BEND2: variants seen among roughly 807,000 people sequenced by gnomAD.
BEND2 encodes BEN domain containing 2.
BEND2 carries 19 observed loss-of-function variants against 43.8 expected under a neutral mutation model. The observed-to-expected ratio is 0.43, with a 90% confidence interval of 0.30 to 0.64. The LOEUF (loss-of-function observed/expected upper bound fraction) is 0.64, where lower values mean the gene tolerates loss of function less well. BEND2 is among the 30% of genes least tolerant of loss of function. The pLI, the probability that BEND2 is intolerant of heterozygous loss-of-function variation, is 0.11. For synonymous variants in BEND2, 226 were observed against 210.1 expected (o/e 1.08, Z -0.66); for missense variants, 544 against 574.0 (o/e 0.95, Z 0.53).
intron 7 of BEND2, among the ~76,000 whole-genome samples, chrX:18,194,154 G>C (rs1354501972): frequency 1.8e-5 from 2 of 111,644 alleles, no homozygotes; most frequent in Admixed American, 1.9e-4. Context: ...GGAGAAATTG[G>C]ATCACTCATA....
chrX:18,181,149 C>T (rs1924371868), intron 8 of BEND2, among the ~76,000 whole-genome samples: 1 of 111,423 alleles, frequency 9.0e-6, no homozygotes, highest in Non-Finnish European at 1.9e-5. Context: ...TAGAAAGATG[C>T]ATGTGGAGAA....
At chrX:18,195,902 AAGGGAGGGAGGG>A (rs747362329) in intron 6 of BEND2, among the ~76,000 whole-genome samples, 1 of 84,189 alleles carries the variant, frequency 1.2e-5, no homozygotes, top group Non-Finnish European at 2.3e-5. Context: ...GAGACAGAGG[AAGGGAGGGAGGG>A]AGGGAGGGAG....
chrX:18,220,001 GC>G (rs781543009), intron 1 of BEND2, among the ~76,000 whole-genome samples: 87 of 111,039 alleles, frequency 7.8e-4, no homozygotes, highest in African/African-American at 2.8e-3. Flanking sequence ...CTCATTCCTC[GC>G]CCCCCCATAC....
chrX:18,188,785 T>A (rs1321844453), intron 8 of BEND2, among the ~76,000 whole-genome samples: 1 of 111,814 alleles, frequency 8.9e-6, no homozygotes, highest in Non-Finnish European at 1.9e-5. Flanking sequence ...GAGGTCAGTA[T>A]TACCCTGATA....
intron 13 of BEND2, among the ~76,000 whole-genome samples, chrX:18,165,516 G>A (rs755616014): frequency 9.0e-6 from 1 of 111,539 alleles, no homozygotes; most frequent in African/African-American, 3.3e-5. Context: ...GTCAACTTTT[G>A]TTACTCTCAA....
chrX:18,191,132 T>C (rs778334046), intron 7 of BEND2, 24 bp from the exon 8 acceptor site: 15 of 1,124,816 alleles, frequency 1.3e-5, no homozygotes, highest in Non-Finnish European at 1.8e-5. Flanking sequence ...CATTTCAATA[T>C]GTAAAACATT....
At chrX:18,201,411 A>C (rs1223255506) in intron 6 of BEND2, among the ~76,000 whole-genome samples, 34 of 96,903 alleles carry the variant, frequency 3.5e-4, no homozygotes, top group South Asian at 1.3e-3. Flanking sequence ...AAAAAAAAAA[A>C]AAAAAACAAA....
rs933847547 is a variant in BEND2, at chrX:18,207,660, T to C, written c.493-3745A>G. ...GGGATACTGTTCTAACTAGAAATTT[T>C]TTGAAAAATGTATCACAATGAGATG... On this transcript the variant is annotated intron_variant, in intron 4 of 13. Coordinates refer to ENST00000380033, the MANE Select transcript of BEND2 (RefSeq NM_153346.5). 6.2e-5 allele frequency among the ~76,000 whole-genome samples: 7 copies of C among 112,531 alleles called. No homozygotes were observed. The Admixed American group carries it at 6.6e-4, about 11-fold the overall frequency.
At chrX:18,186,017 A>G (rs1158277600) in intron 8 of BEND2, among the ~76,000 whole-genome samples, 1 of 112,169 alleles carries the variant, frequency 8.9e-6, no homozygotes, top group East Asian at 2.8e-4. Flanking sequence ...ATTACCAATA[A>G]CAGATCATCT....
Position 18,203,669 on chromosome X carries a change from C to T in BEND2, c.739G>A (p.Val247Ile), listed in dbSNP as rs753669312. ...GTAGTAGCATTGGCAAATGAGATGA[C>T]AGCATTGGTACTTTCAGCACCTCCA... ...ISGGAESTNA[V>I]ISFANATTAV... The change falls in exon 5 of 14, where the codon GTC (valine) becomes ATC (isoleucine). Residue 247 changes from valine (V) to isoleucine (I), a missense_variant. Coordinates refer to ENST00000380033, the MANE Select transcript of BEND2 (RefSeq NM_153346.5). 5 of 1,211,686 alleles carry T rather than the reference C, an allele frequency of 4.1e-6. No homozygotes were observed. The highest frequency in any genetic ancestry group is 1.7e-5 in the African/African-American group (1 of 57,859).
chrX:18,193,358 AGAAAAAG>A (rs1292970307), intron 7 of BEND2, among the ~76,000 whole-genome samples: 1 of 110,933 alleles, frequency 9.0e-6, no homozygotes, highest in Non-Finnish European at 1.9e-5. Flanking sequence ...AGAAAAGAAA[AGAAAAAG>A]AGTAAAATGA....
rs1222466224 is a variant in BEND2 at position 18,193,838 on chromosome X, ACTGT to A, written c.1180+1454_1180+1457del. Among the ~76,000 whole-genome samples, 9 of 111,186 alleles carry A rather than the reference ACTGT, an allele frequency of 8.1e-5. No homozygotes were observed. The East Asian group carries it at 2.5e-3, about 31-fold the overall frequency. On this transcript the variant is annotated intron_variant, in intron 7 of 13. Transcript: ENST00000380033. ...CCTTCCTGATGAAGGTGGGTAATTC[ACTGT>A]CTGAGTATTGTTTTTTACGTTAGTT...
In BEND2 at chrX:18,215,556, G is replaced by A. The variant is rs369585060; in HGVS notation, c.238+965C>T. ...TTACATTTGTAAATGATGGGGGGGA[G>A]AATATTTCATGAAATGGAAAAATTA... On this transcript the variant is annotated intron_variant, in intron 2 of 13. Transcript: ENST00000380033. Among the ~76,000 whole-genome samples the A allele has an allele frequency of 6.3e-5, 7 of 111,674 alleles. No homozygotes were observed. The East Asian group carries it at 2.0e-3, about 31-fold the overall frequency.
intron 7 of BEND2, 86 bp downstream of exon 7, chrX:18,195,208 TAA>T (rs1924897308): frequency 9.9e-7 from 1 of 1,006,309 alleles, no homozygotes; most frequent in Non-Finnish European, 1.3e-6. Context: ...GTTTAATTTG[TAA>T]AAAGCTACCA....
chrX:18,180,361 C>A, intron 9 of BEND2, 149 bp downstream of exon 9: 1 of 851,158 alleles, frequency 1.2e-6, no homozygotes, highest in East Asian at 3.3e-5. Flanking sequence ...ACGTAATATG[C>A]ACTCAATAAA....
At chrX:18,185,804 G>A (rs1364606634) in intron 8 of BEND2, among the ~76,000 whole-genome samples, 3 of 110,281 alleles carry the variant, frequency 2.7e-5, no homozygotes, top group Non-Finnish European at 5.7e-5. Flanking sequence ...TGCAGGCCAG[G>A]AGAGAGTTCC....
At position 18,180,530 on chromosome X, in the gene BEND2, A is replaced by G; in HGVS notation, c.1409T>C (p.Val470Ala). ...DSGQDSSSSSVCIPPKYGYLG... is the reference protein window; with the variant it reads ...DSGQDSSSSSACIPPKYGYLG... ...CTCACCATACTTGGGAGGGATACAG[A>G]CAGATGATGAGGAAGAATCCTGGCC... Residue 470 changes from valine (V) to alanine (A), a missense_variant, in exon 9 of 14, where the codon GTC becomes GCC. This residue lies in a region of BEND2 where 501 missense variants were observed against 501.6 expected (regional missense o/e 1.00). Transcript: ENST00000380033. 1 of 1,206,871 alleles carries G rather than the reference A, an allele frequency of 8.3e-7. No homozygotes were observed. The highest frequency in any genetic ancestry group is 1.7e-5 in the African/African-American group (1 of 57,748).
intron 8 of BEND2, among the ~76,000 whole-genome samples, chrX:18,181,770 C>T (rs1387871848): frequency 9.0e-6 from 1 of 111,253 alleles, no homozygotes; most frequent in Non-Finnish European, 1.9e-5. Flanking sequence ...TACTCAAAAA[C>T]AAACAAATCA....
intron 9 of BEND2, among the ~76,000 whole-genome samples, chrX:18,179,741 A>G (rs1312644203): frequency 1.8e-5 from 2 of 112,488 alleles, no homozygotes; most frequent in African/African-American, 6.4e-5. Flanking sequence ...GATATTAATA[A>G]GAGATAAGCT....
Sources: gnomAD v4.1 joint callset for allele counts (sites outside exome capture counted in the v4.1 genomes callset) on GRCh38, gnomAD v4.1.1 for gene constraint, gnomAD v4.1.1 regional missense constraint, MANE v1.5 for transcripts, NCBI Gene and HGNC (gene_info 2026-07-23, HGNC 2026-07-21) for gene names.